The following CCDC170 variants were observed in gnomAD, a reference collection of about 807,000 sequenced individuals.
The protein encoded by CCDC170 is coiled-coil domain-containing protein 170.
A neutral mutation model predicts 72.6 loss-of-function variants in CCDC170; 69 were observed. The observed-to-expected ratio is 0.95, with a 90% confidence interval of 0.78 to 1.16. The LOEUF (loss-of-function observed/expected upper bound fraction) is 1.16. CCDC170 is among the 50% of genes most tolerant of loss of function. The pLI is 0.00. For missense variants in CCDC170, 852 were observed against 832.5 expected (o/e 1.02, Z -0.29); for synonymous variants, 300 against 303.9 (o/e 0.99, Z 0.13).
chr6:151,502,104 G>C (rs1189411325), intron 1 of CCDC170, among the ~76,000 whole-genome samples: 1 of 152,098 alleles, frequency 6.6e-6, no homozygotes, highest in Non-Finnish European at 1.5e-5. Flanking sequence ...TTCAGATATT[G>C]CTCATAAAAA....
rs184865232 is a variant in CCDC170 at position 151,553,478 on chromosome 6, A to G, written c.774+4989A>G. ...GTTATTAAATTATCAAGATTTGAAT[A>G]TTAGGGGGAGAGGAGGGGTTAAAAA... On this transcript the variant is annotated intron_variant, in intron 5 of 10. Transcript: ENST00000239374. 9.8e-5 allele frequency among the ~76,000 whole-genome samples: 15 copies of G among 152,308 alleles called. No homozygotes were observed. In the East Asian group the frequency reaches 2.9e-3, roughly 29 times the overall value.
At chr6:151,575,927 T>G (rs1313309108) in intron 6 of CCDC170, among the ~76,000 whole-genome samples, 1 of 152,148 alleles carries the variant, frequency 6.6e-6, no homozygotes, top group Non-Finnish European at 1.5e-5. Flanking sequence ...TAACTTAGTT[T>G]TTCTTGTGAC....
intron 5 of CCDC170, among the ~76,000 whole-genome samples, chr6:151,566,232 G>A (rs1776135091): frequency 6.6e-6 from 1 of 152,234 alleles, no homozygotes; most frequent in East Asian, 1.9e-4. Flanking sequence ...TTGGCTCATG[G>A]GCCTGAGCAG....
At chr6:151,610,349 T>C (rs1271552001) in intron 9 of CCDC170, among the ~76,000 whole-genome samples, 1 of 152,210 alleles carries the variant, frequency 6.6e-6, no homozygotes, top group African/African-American at 2.4e-5. Flanking sequence ...GTTTTGAAAA[T>C]ATTTAATTGT....
intron 8 of CCDC170, among the ~76,000 whole-genome samples, chr6:151,594,898 G>A (rs987854135): frequency 3.3e-5 from 5 of 152,210 alleles, no homozygotes; most frequent in East Asian, 3.9e-4. Context: ...TGATCCACCC[G>A]CCTTGGCCTC....
chr6:151,580,683 C>G (rs776631714), intron 6 of CCDC170, among the ~76,000 whole-genome samples: 21 of 152,100 alleles, frequency 1.4e-4, no homozygotes, highest in Non-Finnish European at 3.1e-4. Flanking sequence ...AGCACACACA[C>G]AGAAGTGTTA....
chr6:151,549,591 CT>C (rs963938254), intron 5 of CCDC170, among the ~76,000 whole-genome samples: 3 of 151,994 alleles, frequency 2.0e-5, no homozygotes, highest in African/African-American at 7.2e-5. Context: ...CAATTTCTTT[CT>C]TTAAAAAATT....
At position 151,573,279 on chromosome 6, in the gene CCDC170, G is replaced by T. The variant is rs138984165; in HGVS notation, c.880G>T (p.Glu294Ter). The T allele has an allele frequency of 3.1e-6, 5 of 1,614,172 alleles. No homozygotes were observed. The East Asian group carries it at 1.1e-4, about 36-fold the overall frequency. ...GCAGGTCTGGGATGCCTCAAAGCAG[G>T]AAGTGAGCCTCCTGAAGAAAAGCTC... ...GQQVWDASKQ[E>*]VSLLKKSSSE... Residue 294 changes from glutamate (E) to a stop codon, truncating the protein, a stop_gained, in exon 6 of 11, where the codon GAA becomes TAA. Transcript: ENST00000239374. LOFTEE classifies it high-confidence loss of function.
intron 9 of CCDC170, among the ~76,000 whole-genome samples, chr6:151,606,226 A>T (rs1776783524): frequency 2.0e-5 from 3 of 151,902 alleles, no homozygotes; most frequent in Admixed American, 2.0e-4. Context: ...GAAAACAAAA[A>T]CCTTTTTATC....
chr6:151,494,175 C>T lies in CCDC170; in HGVS notation c.47C>T (p.Pro16Leu). 6.6e-7 allele frequency: 1 copy of T among 1,518,110 alleles called. No homozygotes were observed. The highest frequency in any genetic ancestry group is 2.7e-5 in the East Asian group (1 of 37,120). 94.0% of individuals were successfully genotyped at this position (1,518,110 alleles called of 1,614,324 possible). ...TSHIALGAAS[P>L]APEETYDHLS... ...CATATCGCGCTGGGTGCCGCTTCGCCAGCGCCCGAGGTACGGTCCCAGCCG... is the reference window on the plus strand; with the variant it reads ...CATATCGCGCTGGGTGCCGCTTCGCTAGCGCCCGAGGTACGGTCCCAGCCG... Residue 16 changes from proline to leucine, a missense_variant, in exon 1 of 11, where the codon CCA (proline) becomes CTA (leucine). Physicochemically the swap from Pro to Leu is moderately conservative, Grantham distance 98. Transcript: ENST00000239374.
At chr6:151,602,112 G>C (rs1447033988) in intron 9 of CCDC170, among the ~76,000 whole-genome samples, 1 of 152,060 alleles carries the variant, frequency 6.6e-6, no homozygotes, top group Admixed American at 6.5e-5. Flanking sequence ...TGATGCCTAG[G>C]TTATATAAAT....
chr6:151,547,145 G>A (rs567796363), intron 4 of CCDC170, among the ~76,000 whole-genome samples: 26 of 152,228 alleles, frequency 1.7e-4, no homozygotes, highest in African/African-American at 6.0e-4. Flanking sequence ...GTGTGCACAC[G>A]CATTCGCAAG....
Position 151,618,260 on chromosome 6 carries a change from G to T in CCDC170, c.*113G>T. 1.1e-6 allele frequency: 1 copy of T among 944,402 alleles called. No individual in the cohort carries two copies. The allele number at this position is 944,402 out of a possible 1,614,324, so 58.5% of individuals were successfully genotyped here. On this transcript the variant is annotated 3_prime_UTR_variant, in exon 11 of 11. Transcript: ENST00000239374. ...GTTTGTGAATATTTTATGCTTTGAT[G>T]ATATAGTGAGAATGCATCACTTGCA...
intron 6 of CCDC170, among the ~76,000 whole-genome samples, chr6:151,582,345 C>T (rs1402148611): frequency 2.0e-5 from 3 of 152,318 alleles, no homozygotes; most frequent in Middle Eastern, 3.4e-3. Context: ...TTCCTTAAAT[C>T]TCATGAATCA....
At chr6:151,506,405 G>C (rs4869734) in intron 1 of CCDC170, among the ~76,000 whole-genome samples, 11,830 of 152,208 alleles carry the variant, frequency 0.078, 739 homozygotes, top group East Asian at 0.21. Flanking sequence ...CATTTGAGTA[G>C]AGATCAATGC....
chr6:151,571,377 C>T lies in CCDC170; in HGVS notation c.775-1797C>T, dbSNP rs549373039. ...AATACTACAGCCATGCTAGTTAACACGCCGCTTAATATTTCTTAATGTGAA... is the reference window on the plus strand; with the variant it reads ...AATACTACAGCCATGCTAGTTAACATGCCGCTTAATATTTCTTAATGTGAA... On this transcript the variant is annotated intron_variant, in intron 5 of 10. Coordinates refer to ENST00000239374, the MANE Select transcript of CCDC170 (RefSeq NM_025059.4). Among the ~76,000 whole-genome samples, 111 of 151,672 alleles carry T rather than the reference C, an allele frequency of 7.3e-4. 1 individual carries two copies. Among genetic ancestry groups the T allele is most frequent in the African/African-American group, 2.3e-3 (95 of 41,324 alleles).
At chr6:151,560,382 A>G (rs954852891) in intron 5 of CCDC170, among the ~76,000 whole-genome samples, 2 of 152,118 alleles carry the variant, frequency 1.3e-5, no homozygotes, top group Non-Finnish European at 2.9e-5. Context: ...TGACTGAGGC[A>G]TGTGTTCAAT....
At chr6:151,593,369 C>A (rs1044636104) in intron 8 of CCDC170, 89 bp downstream of exon 8, 31 of 1,351,310 alleles carry the variant, frequency 2.3e-5, no homozygotes, top group Middle Eastern at 1.9e-4. Flanking sequence ...ACCATGTTTA[C>A]CAGTGTAGCT....
intron 7 of CCDC170, among the ~76,000 whole-genome samples, chr6:151,587,846 A>AT (rs1776477172): frequency 6.6e-6 from 1 of 152,174 alleles, no homozygotes. Flanking sequence ...AGGAGCAATG[A>AT]CTTTTTTTCT....
Sources: gnomAD v4.1 joint callset for allele counts (sites outside exome capture counted in the v4.1 genomes callset) on GRCh38, gnomAD v4.1.1 for gene constraint, MANE v1.5 for transcripts, NCBI Gene and HGNC (gene_info 2026-07-23, HGNC 2026-07-21) for gene names.